The following TMEM170A variants were observed in gnomAD, a reference collection of about 807,000 sequenced individuals.
The protein encoded by TMEM170A is transmembrane protein 170A, also known as transmembrane protein 170.
TMEM170A carries 18 observed loss-of-function variants against 12.8 expected under a neutral mutation model. The observed-to-expected ratio is 1.41, with a 90% CI of 0.97 to 2.09. The LOEUF (loss-of-function observed/expected upper bound fraction) is 2.09, where lower values mean the gene tolerates loss of function less well. TMEM170A is among the 30% of genes most tolerant of loss of function. The pLI, the probability that TMEM170A is intolerant of heterozygous loss-of-function variation, is 0.00. For missense variants in TMEM170A, 220 were observed against 179.9 expected, an observed-to-expected ratio of 1.22 and a Z score of -1.28; for synonymous variants, 107 against 76.2, an observed-to-expected ratio of 1.40 and a Z score of -2.11.
chr16:75,461,207 C>T (rs572788701), intron 1 of TMEM170A, among the ~76,000 whole-genome samples: 126 of 151,636 alleles, frequency 8.3e-4, no homozygotes, highest in African/African-American at 3.0e-3. Context: ...GCATGCACCA[C>T]CACGCCCCGC....
Position 75,447,439 on chromosome 16 carries a change from G to A in TMEM170A, c.*119C>T. Reference sequence around the variant, plus strand: ...AAGGCTGAGATGTGTTGTCCTTCATGTTCCTGTTCATCCAAGTTGCTTCCC... The same window carrying A: ...AAGGCTGAGATGTGTTGTCCTTCATATTCCTGTTCATCCAAGTTGCTTCCC... On this transcript the variant is annotated 3_prime_UTR_variant, in exon 3 of 3. Coordinates refer to ENST00000561878, the MANE Select transcript of TMEM170A (RefSeq NM_145254.3). 8.6e-7 allele frequency: 1 copy of A among 1,157,556 alleles called. No individual in the cohort carries two copies. Among genetic ancestry groups the A allele is most frequent in the Non-Finnish European group, 1.2e-6 (1 of 863,808 alleles). 71.7% of individuals were successfully genotyped at this position (1,157,556 alleles called of 1,614,324 possible).
chr16:75,443,504 A>C lies in TMEM170A; in HGVS notation c.*4054T>G, dbSNP rs997572847. On this transcript the variant is annotated 3_prime_UTR_variant, in exon 3 of 3. Coordinates refer to ENST00000561878, the MANE Select transcript of TMEM170A (RefSeq NM_145254.3). ...ATGCTTCACATTCCAGGAAATGGTT[A>C]CTTAGGGAAGGTTGATATGTGCTGC... 6.6e-6 allele frequency: 1 copy of C among 152,162 alleles called. No homozygotes were observed. The highest frequency in any genetic ancestry group is 1.5e-5 in the Non-Finnish European group (1 of 68,014). The allele number at this position is 152,162 out of a possible 1,614,324, so 9.4% of individuals were successfully genotyped here.
At chr16:75,455,198 A>G (rs2079767603) in intron 1 of TMEM170A, among the ~76,000 whole-genome samples, 1 of 152,088 alleles carries the variant, frequency 6.6e-6, no homozygotes, top group South Asian at 2.1e-4. Context: ...TCTACTAAAA[A>G]TACAAAGAAT....
At position 75,451,759 on chromosome 16, in the gene TMEM170A, T is replaced by C; in HGVS notation, c.214A>G (p.Thr72Ala). The change falls in exon 2 of 3, where the codon ACC becomes GCC. Residue 72 changes from threonine to alanine, a missense_variant. By Grantham distance (58) the Thr-to-Ala change is moderately conservative. Coordinates refer to ENST00000561878, the MANE Select transcript of TMEM170A (RefSeq NM_145254.3). ...HVPAGLLALF[T>A]LRHHKYGRFM... ...CTACCATATTTGTGATGTCTGAGGG[T>C]GAAGAGGGCCAGTAATCCAGCAGGG... is the stretch of plus-strand genomic sequence containing the variant. 1 of 1,613,946 alleles carries C rather than the reference T, an allele frequency of 6.2e-7. No individual in the cohort carries two copies.
Position 75,464,455 on chromosome 16 carries a change from G to C in TMEM170A, c.133+13C>G, listed in dbSNP as rs775534918. 1.4e-6 allele frequency: 2 copies of C among 1,471,470 alleles called. No homozygotes were observed. Among genetic ancestry groups the C allele is most frequent in the Admixed American group, 3.0e-5 (1 of 33,668 alleles). 91.2% of individuals were successfully genotyped at this position (1,471,470 alleles called of 1,614,324 possible). A position where few individuals can be genotyped will look rare whatever the true frequency, so the allele number is the denominator to read the frequency against. ...GCGGGGCGCGCAGTGCGCAGGCGCG[G>C]GGCGGGCCGTACCTGGGAAGGAGCA... On this transcript the variant is annotated intron_variant, in intron 1 of 2. Coordinates refer to ENST00000561878, the MANE Select transcript of TMEM170A (RefSeq NM_145254.3).
At position 75,444,649 on chromosome 16, in the gene TMEM170A, G is replaced by T. The variant is rs1013883758; in HGVS notation, c.*2909C>A. ...AAAGAAAATCAAAGCTATTCCTTAT[G>T]ATTCAAATAGTCTTTCCCTGAAAAC... is the stretch of plus-strand genomic sequence containing the variant. On this transcript the variant is annotated 3_prime_UTR_variant, in exon 3 of 3. Coordinates refer to ENST00000561878, the MANE Select transcript of TMEM170A (RefSeq NM_145254.3). The T allele has an allele frequency of 2.9e-4, 44 of 151,998 alleles. No individual in the cohort carries two copies. Among genetic ancestry groups the T allele is most frequent in the African/African-American group, 8.7e-4 (36 of 41,364 alleles). The allele number at this position is 151,998 out of a possible 1,614,324, so 9.4% of individuals were successfully genotyped here.
chr16:75,452,308 A>G (rs2079703879), intron 1 of TMEM170A, among the ~76,000 whole-genome samples: 1 of 151,544 alleles, frequency 6.6e-6, no homozygotes, highest in Non-Finnish European at 1.5e-5. Flanking sequence ...TCACTCCGTC[A>G]CCCAGGCTGC....
chr16:75,464,242 T>C, intron 1 of TMEM170A: 1 of 1,501,342 alleles, frequency 6.7e-7, no homozygotes, highest in Non-Finnish European at 8.8e-7. Flanking sequence ...CTGCGGCCGC[T>C]CTCTGCATCT....
At chr16:75,455,561 T>C (rs964075991) in intron 1 of TMEM170A, among the ~76,000 whole-genome samples, 1 of 151,960 alleles carries the variant, frequency 6.6e-6, no homozygotes, top group African/African-American at 2.4e-5. Flanking sequence ...CCAGGCATGG[T>C]GCTCGTGCCT....
At chr16:75,453,514 G>A (rs866617568) in intron 1 of TMEM170A, among the ~76,000 whole-genome samples, 15 of 152,306 alleles carry the variant, frequency 9.8e-5, no homozygotes, top group Admixed American at 7.2e-4. Flanking sequence ...AATTGATACG[G>A]TACTATGCAA....
chr16:75,455,189 C>G (rs922125295), intron 1 of TMEM170A, among the ~76,000 whole-genome samples: 1 of 152,016 alleles, frequency 6.6e-6, no homozygotes, highest in Non-Finnish European at 1.5e-5. Flanking sequence ...AACCCCGTCT[C>G]TACTAAAAAT....
At chr16:75,461,761 C>G (rs544301030) in intron 1 of TMEM170A, among the ~76,000 whole-genome samples, 1 of 152,272 alleles carries the variant, frequency 6.6e-6, no homozygotes, top group East Asian at 1.9e-4. Flanking sequence ...TGGCACTTGG[C>G]CAAATGTATA....
chr16:75,455,722 T>C (rs887653561), intron 1 of TMEM170A, among the ~76,000 whole-genome samples: 7 of 152,184 alleles, frequency 4.6e-5, no homozygotes, highest in Admixed American at 4.6e-4. Context: ...CGAGAATCGC[T>C]TGAACCCAGG....
chr16:75,443,797 G>A lies in TMEM170A; in HGVS notation c.*3761C>T, dbSNP rs1269715223. ...TTTCACCTCAAAACCCCGTATTCAA[G>A]AATCAAGAAGGCCAAGCATGATGGC... On this transcript the variant is annotated 3_prime_UTR_variant, in exon 3 of 3. Coordinates refer to ENST00000561878, the MANE Select transcript of TMEM170A (RefSeq NM_145254.3). 6.6e-6 allele frequency: 1 copy of A among 152,086 alleles called. No homozygotes were observed. The highest frequency in any genetic ancestry group is 2.4e-5 in the African/African-American group (1 of 41,416). 9.4% of individuals were successfully genotyped at this position (152,086 alleles called of 1,614,324 possible).
chr16:75,454,324 T>G (rs1422830493), intron 1 of TMEM170A, among the ~76,000 whole-genome samples: 1 of 152,250 alleles, frequency 6.6e-6, no homozygotes, highest in East Asian at 1.9e-4. Context: ...AGAGGCTTTA[T>G]AAGAGCCATG....
chr16:75,460,396 T>TC (rs1221739569), intron 1 of TMEM170A, among the ~76,000 whole-genome samples: 1 of 152,064 alleles, frequency 6.6e-6, no homozygotes, highest in Admixed American at 6.6e-5. Flanking sequence ...TACCCTCCCC[T>TC]CCTCCTCTGT....
chr16:75,457,086 T>G lies in TMEM170A; in HGVS notation c.134-5247A>C, dbSNP rs185389466. On this transcript the variant is annotated intron_variant, in intron 1 of 2. Coordinates refer to ENST00000561878, the MANE Select transcript of TMEM170A (RefSeq NM_145254.3). Reference sequence around the variant, plus strand: ...CCAAGAACTCAGAACAATCTTCACCTGGCTGCTGTCTGCCCCATACTGACC... The same window carrying G: ...CCAAGAACTCAGAACAATCTTCACCGGGCTGCTGTCTGCCCCATACTGACC... 4.4e-4 allele frequency among the ~76,000 whole-genome samples: 67 copies of G among 152,278 alleles called. 1 individual carries two copies. Among genetic ancestry groups the G allele is most frequent in the African/African-American group, 1.6e-3 (67 of 41,570 alleles).
intron 1 of TMEM170A, among the ~76,000 whole-genome samples, chr16:75,463,394 G>A (rs576264145): frequency 1.4e-4 from 22 of 152,164 alleles, no homozygotes; most frequent in Middle Eastern, 3.4e-3. Flanking sequence ...ATCTGCATCT[G>A]ACCCCAACCT....
At chr16:75,461,852 G>T (rs2079914312) in intron 1 of TMEM170A, among the ~76,000 whole-genome samples, 1 of 152,136 alleles carries the variant, frequency 6.6e-6, no homozygotes, top group East Asian at 1.9e-4. Flanking sequence ...AGAACATACT[G>T]AAGTTTAATA....
Sources: gnomAD v4.1 joint callset for allele counts (sites outside exome capture counted in the v4.1 genomes callset) on GRCh38, gnomAD v4.1.1 for gene constraint, MANE v1.5 for transcripts, NCBI Gene and HGNC (gene_info 2026-07-23, HGNC 2026-07-21) for gene names.